Variants in EFCAB6 observed in about 807,000 individuals in gnomAD.
EFCAB6 encodes the protein EF-hand calcium-binding domain-containing protein 6.
Under a neutral mutation model 169.8 loss-of-function variants are expected in EFCAB6, and 156 were observed. That is an observed-to-expected ratio of 0.92 (90% CI 0.81 to 1.05). EFCAB6 has a LOEUF of 1.05. Among genes scored for constraint, EFCAB6 ranks in the 50% least tolerant of loss-of-function variants. The pLI, the probability that EFCAB6 is intolerant of heterozygous loss-of-function variation, is 0.00. For synonymous variants in EFCAB6, 698 were observed against 676.4 expected, an observed-to-expected ratio of 1.03 and a Z score of -0.50; for missense variants, 1,800 against 1,829.1, an observed-to-expected ratio of 0.98 and a Z score of 0.29.
chr22:43,594,479 A>G (rs906769336), intron 23 of EFCAB6, among the ~76,000 whole-genome samples: 18 of 152,194 alleles, frequency 1.2e-4, no homozygotes, highest in African/African-American at 4.3e-4. Flanking sequence ...ACCAATGAAG[A>G]GCAGGAGTAG....
intron 19 of EFCAB6, among the ~76,000 whole-genome samples, chr22:43,626,973 T>C (rs2054572726): frequency 6.6e-6 from 1 of 152,190 alleles, no homozygotes; most frequent in Non-Finnish European, 1.5e-5. Context: ...TCTCGGTTTG[T>C]GGAGCTTGTA....
intron 6 of EFCAB6, among the ~76,000 whole-genome samples, chr22:43,737,786 TAC>T (rs995585767): frequency 8.3e-4 from 120 of 144,450 alleles, no homozygotes; most frequent in African/African-American, 2.9e-3. Context: ...CACATATTCA[TAC>T]ACACACACAC....
At chr22:43,636,111 C>T (rs1256944714) in intron 17 of EFCAB6, among the ~76,000 whole-genome samples, 2 of 152,182 alleles carry the variant, frequency 1.3e-5, no homozygotes, top group African/African-American at 2.4e-5. Flanking sequence ...GGCCAAGGGG[C>T]CAAAGACGTC....
At chr22:43,568,529 A>C (rs2049599362) in intron 26 of EFCAB6, among the ~76,000 whole-genome samples, 1 of 152,076 alleles carries the variant, frequency 6.6e-6, no homozygotes, top group Non-Finnish European at 1.5e-5. Flanking sequence ...ATTTAGTTTG[A>C]ATATATAGAG....
chr22:43,539,059 A>T (rs1483833365), intron 28 of EFCAB6, among the ~76,000 whole-genome samples: 1 of 152,064 alleles, frequency 6.6e-6, no homozygotes, highest in Non-Finnish European at 1.5e-5. Flanking sequence ...CTCAGATTGC[A>T]TCTCTCTAGC....
At chr22:43,803,989 G>A (rs563505520) in intron 2 of EFCAB6, among the ~76,000 whole-genome samples, 34 of 152,218 alleles carry the variant, frequency 2.2e-4, no homozygotes, top group Admixed American at 9.2e-4. Context: ...TAGGATTATA[G>A]ACACGCACCA....
intron 6 of EFCAB6, among the ~76,000 whole-genome samples, chr22:43,753,392 TA>T (rs1168914426): frequency 6.6e-6 from 1 of 152,110 alleles, no homozygotes; most frequent in Admixed American, 6.5e-5. Context: ...GAGTGCAGAT[TA>T]AACCAGAGCC....
intron 21 of EFCAB6, among the ~76,000 whole-genome samples, chr22:43,613,559 A>T (rs1406255066): frequency 6.6e-6 from 1 of 152,126 alleles, no homozygotes; most frequent in East Asian, 1.9e-4. Context: ...GAGCTAAATG[A>T]TGAGAACACA....
intron 2 of EFCAB6, among the ~76,000 whole-genome samples, chr22:43,796,332 G>T (rs1483963949): frequency 6.6e-6 from 1 of 152,024 alleles, no homozygotes; most frequent in Admixed American, 6.6e-5. Flanking sequence ...TCCAAAAAAT[G>T]ATGAATGTTA....
At chr22:43,549,908 A>G (rs1298570073) in intron 27 of EFCAB6, among the ~76,000 whole-genome samples, 4 of 152,242 alleles carry the variant, frequency 2.6e-5, no homozygotes, top group Non-Finnish European at 4.4e-5. Context: ...AACCCAAAAA[A>G]CTACTTGTGT....
chr22:43,640,357 T>C (rs1263333216), intron 17 of EFCAB6, among the ~76,000 whole-genome samples: 2 of 152,208 alleles, frequency 1.3e-5, no homozygotes, highest in Non-Finnish European at 2.9e-5. Context: ...GTAGGCTTGG[T>C]TGGACTCAAA....
chr22:43,555,002 T>C lies in EFCAB6; in HGVS notation c.3515A>G (p.Lys1172Arg). 1 of 1,614,182 alleles carries C rather than the reference T, an allele frequency of 6.2e-7. No individual in the cohort carries two copies. The highest frequency in any genetic ancestry group is 8.5e-7 in the Non-Finnish European group (1 of 1,180,030). Residue 1172 changes from lysine (K) to arginine (R), a missense_variant, in exon 27 of 32, where the codon AAA becomes AGA. Lys to Arg is a conservative substitution (Grantham distance 26). Coordinates refer to ENST00000262726, the MANE Select transcript of EFCAB6 (RefSeq NM_022785.4). ...ADRDILARLH[K>R]AVTSHYHAIT... ...GGCATGGTAATGGGAAGTCACTGCT[T>C]TGTGGAGGCGAGCCAGGATGTCTCT... is the stretch of plus-strand genomic sequence containing the variant.
Position 43,589,280 on chromosome 22 carries a change from C to CAAA in EFCAB6, c.3032+791_3032+793dup, listed in dbSNP as rs1163346832. 5.0e-3 allele frequency among the ~76,000 whole-genome samples: 403 copies of CAAA among 80,770 alleles called. 4 individuals carry two copies. Among genetic ancestry groups the CAAA allele is most frequent in the Non-Finnish European group, 7.7e-3 (320 of 41,562 alleles). The allele number at this position is 80,770 out of a possible 152,430, so 53.0% of individuals were successfully genotyped here. Reference sequence around the variant, plus strand: ...TGGGTAACAGAGGGAGACTTCATGTCAAAAAAAAAAAAAAAAAAAAAAAAA... The same window carrying CAAA: ...TGGGTAACAGAGGGAGACTTCATGTCAAAAAAAAAAAAAAAAAAAAAAAAAAAA... On this transcript the variant is annotated intron_variant, in intron 24 of 31. Transcript: ENST00000262726.
intron 9 of EFCAB6, among the ~76,000 whole-genome samples, chr22:43,714,666 T>G (rs1243320340): frequency 6.6e-6 from 1 of 151,784 alleles, no homozygotes; most frequent in African/African-American, 2.4e-5. Flanking sequence ...TTTACAACAT[T>G]AAAGGAAAAG....
chr22:43,722,496 ACT>A (rs1441178516), intron 8 of EFCAB6, among the ~76,000 whole-genome samples: 2 of 150,326 alleles, frequency 1.3e-5, no homozygotes, highest in Non-Finnish European at 2.9e-5. Flanking sequence ...GCGCTGCTGC[ACT>A]CCAGCCTGAT....
chr22:43,536,257 T>C (rs571086124), intron 29 of EFCAB6: 1 of 152,316 alleles, frequency 6.6e-6, no homozygotes, highest in South Asian at 2.1e-4. Context: ...CAGCAAAACG[T>C]TACATTAAAT....
intron 6 of EFCAB6, among the ~76,000 whole-genome samples, chr22:43,747,191 C>T (rs2060595866): frequency 6.6e-6 from 1 of 152,230 alleles, no homozygotes; most frequent in Non-Finnish European, 1.5e-5. Flanking sequence ...TAGAAAAAGA[C>T]TTTGTCTGTC....
In EFCAB6 at chr22:43,608,536, A is replaced by G. The variant is rs775401517; in HGVS notation, c.2627T>C (p.Leu876Pro). ...ILRRRDIKNALYGFDIPLTPR... is the reference protein window; with the variant it reads ...ILRRRDIKNAPYGFDIPLTPR... ...TGTGAGGGGAATATCAAAACCGTAC[A>G]GTGCGTTCTTTATGTCCCGGCGTCG... The change falls in exon 22 of 32, where the codon CTG becomes CCG. Residue 876 changes from leucine (L) to proline (P), a missense_variant. Leu to Pro is a moderately conservative substitution (Grantham distance 98). Coordinates refer to ENST00000262726, the MANE Select transcript of EFCAB6 (RefSeq NM_022785.4). 1.2e-6 allele frequency: 2 copies of G among 1,614,208 alleles called. No individual in the cohort carries two copies. Among genetic ancestry groups the G allele is most frequent in the Admixed American group, 1.7e-5 (1 of 60,026 alleles).
intron 31 of EFCAB6, 48 bp downstream of exon 31, chr22:43,530,767 T>C: frequency 6.2e-7 from 1 of 1,605,012 alleles, no homozygotes; most frequent in South Asian, 1.1e-5. Context: ...GCCGCTGGCA[T>C]TTGGCAGCTG....
Sources: gnomAD v4.1 joint callset for allele counts (sites outside exome capture counted in the v4.1 genomes callset) on GRCh38, gnomAD v4.1.1 for gene constraint, MANE v1.5 for transcripts, NCBI Gene and HGNC (gene_info 2026-07-23, HGNC 2026-07-21) for gene names.